Variants in GJA1 observed in about 807,000 individuals in gnomAD.
GJA1 encodes the protein gap junction alpha-1 protein.
A neutral mutation model predicts 31.0 loss-of-function variants in GJA1; 9 were observed. The observed-to-expected ratio is 0.29, with a 90% CI of 0.17 to 0.51. The LOEUF (loss-of-function observed/expected upper bound fraction) is 0.51. Ranked by LOEUF, GJA1 falls within the 20% of genes least tolerant of loss-of-function variation. GJA1 has a pLI of 0.98. For missense variants in GJA1, 278 were observed against 468.8 expected (o/e 0.59, Z 3.76); for synonymous variants, 186 against 180.1 (o/e 1.03, Z -0.26).
At position 121,447,651 on chromosome 6, in the gene GJA1, C is replaced by A; in HGVS notation, c.804C>A (p.Phe268Leu). 1 of 1,613,984 alleles carries A rather than the reference C, an allele frequency of 6.2e-7. No homozygotes were observed. Among genetic ancestry groups the A allele is most frequent in the East Asian group, 2.2e-5 (1 of 44,858 alleles). ...GTGGGTCTCAAAAATATGCTTATTTCAATGGCTGCTCCTCACCAACCGCTC... is the reference window on the plus strand; with the variant it reads ...GTGGGTCTCAAAAATATGCTTATTTAAATGGCTGCTCCTCACCAACCGCTC... ...KDCGSQKYAY[F>L]NGCSSPTAPL... Residue 268 changes from phenylalanine to leucine, a missense_variant, in exon 2 of 2, where the codon TTC becomes TTA. This residue lies in a region of GJA1 where 172 missense variants were observed against 190.9 expected (regional missense o/e 0.90). Transcript: ENST00000282561.
At position 121,448,051 on chromosome 6, in the gene GJA1, C is replaced by T; in HGVS notation, c.*55C>T. ...TCAATTGTGGAGAAGAAAAAAGGTGCTGTAGAAAGTGCACCAGGTGTTAAT... is the reference window on the plus strand; with the variant it reads ...TCAATTGTGGAGAAGAAAAAAGGTGTTGTAGAAAGTGCACCAGGTGTTAAT... On this transcript the variant is annotated 3_prime_UTR_variant, in exon 2 of 2. Coordinates refer to ENST00000282561, the MANE Select transcript of GJA1 (RefSeq NM_000165.5). 2 of 1,481,492 alleles carry T rather than the reference C, an allele frequency of 1.3e-6. No individual in the cohort carries two copies. Among genetic ancestry groups the T allele is most frequent in the South Asian group, 2.3e-5 (2 of 88,230 alleles). The allele number at this position is 1,481,492 out of a possible 1,614,324, so 91.8% of individuals were successfully genotyped here.
chr6:121,438,355 C>A (rs1003312750), intron 1 of GJA1, among the ~76,000 whole-genome samples: 2 of 152,170 alleles, frequency 1.3e-5, no homozygotes, highest in African/African-American at 4.8e-5. Flanking sequence ...ATGCTGTCAC[C>A]CTCCTTGGGA....
rs1773923356 is a variant in GJA1 at position 121,448,215 on chromosome 6, T to C, written c.*219T>C. The C allele has an allele frequency of 1.2e-5, 7 of 601,612 alleles. No individual in the cohort carries two copies. The Admixed American group carries it at 1.5e-4, about 13-fold the overall frequency. 37.3% of individuals were successfully genotyped at this position (601,612 alleles called of 1,614,324 possible). A position where few individuals can be genotyped will look rare whatever the true frequency, so the allele number is the denominator to read the frequency against. ...AGGGGATAAGAGAGGTGCATGTTGG[T>C]ATTTAAAGTAGTGGATTCAAAGAAC... On this transcript the variant is annotated 3_prime_UTR_variant, in exon 2 of 2. Transcript: ENST00000282561.
At position 121,447,838 on chromosome 6, in the gene GJA1, C is replaced by A. The variant is rs66916792; in HGVS notation, c.991C>A (p.His331Asn). ...GQAGSTISNS[H>N]AQPFDFPDDN... is the part of the protein sequence containing the mutation. ...GGCGGGAAGCACCATCTCTAACTCC[C>A]ATGCACAGCCTTTTGATTTCCCCGA... The change falls in exon 2 of 2, where the codon CAT becomes AAT. Residue 331 changes from histidine to asparagine, a missense_variant. By Grantham distance (68) the His-to-Asn change is moderately conservative. Transcript: ENST00000282561. 1 of 1,613,894 alleles carries A rather than the reference C, an allele frequency of 6.2e-7. No homozygotes were observed. Among genetic ancestry groups the A allele is most frequent in the Admixed American group, 1.7e-5 (1 of 59,988 alleles).
At chr6:121,443,047 C>T (rs927260455) in intron 1 of GJA1, among the ~76,000 whole-genome samples, 6 of 152,092 alleles carry the variant, frequency 3.9e-5, no homozygotes, top group African/African-American at 1.4e-4. Context: ...TACCTGTTTC[C>T]CCCTGGTGAA....
At position 121,447,999 on chromosome 6, in the gene GJA1, A is replaced by C. The variant is rs573095718; in HGVS notation, c.*3A>C. ...GGCCTGATGACCTGGAGATCTAGATACAGGCTTGAAAGCATCAAGATTCCA... is the reference window on the plus strand; with the variant it reads ...GGCCTGATGACCTGGAGATCTAGATCCAGGCTTGAAAGCATCAAGATTCCA... On this transcript the variant is annotated 3_prime_UTR_variant, in exon 2 of 2. Coordinates refer to ENST00000282561, the MANE Select transcript of GJA1 (RefSeq NM_000165.5). 1.9e-6 allele frequency: 3 copies of C among 1,594,874 alleles called. No homozygotes were observed. The highest frequency in any genetic ancestry group is 1.4e-5 in the African/African-American group (1 of 73,840).
At chr6:121,436,605 G>A (rs905862388) in intron 1 of GJA1, among the ~76,000 whole-genome samples, 6 of 152,282 alleles carry the variant, frequency 3.9e-5, no homozygotes, top group African/African-American at 1.4e-4. Context: ...AATGGGTGGT[G>A]GCTAGTTACA....
intron 1 of GJA1, among the ~76,000 whole-genome samples, chr6:121,444,688 C>CT (rs1773854989): frequency 6.6e-6 from 1 of 152,190 alleles, no homozygotes; most frequent in Non-Finnish European, 1.5e-5. Flanking sequence ...TCTAAGAAGC[C>CT]TAAATAATCC....
intron 1 of GJA1, among the ~76,000 whole-genome samples, chr6:121,439,012 C>T (rs916011612): frequency 6.6e-6 from 1 of 151,604 alleles, no homozygotes; most frequent in Non-Finnish European, 1.5e-5. Flanking sequence ...ATATGTTTAT[C>T]GTCAGCTGGG....
At chr6:121,438,762 T>TA (rs1773713025) in intron 1 of GJA1, among the ~76,000 whole-genome samples, 1 of 152,210 alleles carries the variant, frequency 6.6e-6, no homozygotes, top group South Asian at 2.1e-4. Context: ...ATTCAAGTTT[T>TA]AAAAAATCTC....
rs1434540017 is a variant in GJA1 at position 121,447,993 on chromosome 6, C to T, written c.1146C>T (p.Ile382=). Residue 382 remains isoleucine (I), a synonymous_variant, in exon 2 of 2, where the codon ATC becomes ATT. Coordinates refer to ENST00000282561, the MANE Select transcript of GJA1 (RefSeq NM_000165.5). The part of the protein sequence containing the change: ...SSRPRPDDLE[I] ...GACCTCGGCCTGATGACCTGGAGAT[C>T]TAGATACAGGCTTGAAAGCATCAAG... is the stretch of plus-strand genomic sequence containing the variant. 4 of 1,610,130 alleles carry T rather than the reference C, an allele frequency of 2.5e-6. No homozygotes were observed. In the Admixed American group the frequency reaches 6.9e-5, roughly 28 times the overall value.
intron 1 of GJA1, 50 bp from the exon 2 acceptor site, chr6:121,446,782 C>T: frequency 9.1e-7 from 1 of 1,102,268 alleles, no homozygotes; most frequent in Non-Finnish European, 1.4e-6. Flanking sequence ...AAATGTTAAA[C>T]TAGTAATTTG....
intron 1 of GJA1, among the ~76,000 whole-genome samples, chr6:121,436,137 T>TC (rs1773657593): frequency 9.0e-6 from 1 of 111,248 alleles, no homozygotes; most frequent in African/African-American, 4.1e-5. Flanking sequence ...TTTTATTTTG[T>TC]TTTTTTTTTG....
chr6:121,440,945 T>C (rs1028565093), intron 1 of GJA1, among the ~76,000 whole-genome samples: 2 of 144,010 alleles, frequency 1.4e-5, no homozygotes, highest in Non-Finnish European at 3.0e-5. Flanking sequence ...TGTTGTTGTT[T>C]GTCGTTTTTT....
rs72548749 is a variant in GJA1 at position 121,448,297 on chromosome 6, C to T, written c.*301C>T. ...TACATAGATAAGGGCTTTTTCTCCC[C>T]GCAAACACCCCTAAGAATGGTTCTG... On this transcript the variant is annotated 3_prime_UTR_variant, in exon 2 of 2. Transcript: ENST00000282561. 12 of 438,654 alleles carry T rather than the reference C, an allele frequency of 2.7e-5. No individual in the cohort carries two copies. Among genetic ancestry groups the T allele is most frequent in the East Asian group, 1.4e-4 (3 of 21,402 alleles). The allele number at this position is 438,654 out of a possible 1,614,324, so 27.2% of individuals were successfully genotyped here.
chr6:121,445,644 G>C (rs924210356), intron 1 of GJA1, among the ~76,000 whole-genome samples: 2 of 152,154 alleles, frequency 1.3e-5, no homozygotes, highest in Admixed American at 6.5e-5. Context: ...TTGTTTGTTT[G>C]TTTTTTAATA....
At chr6:121,439,261 C>A (rs1214953605) in intron 1 of GJA1, among the ~76,000 whole-genome samples, 1 of 151,974 alleles carries the variant, frequency 6.6e-6, no homozygotes, top group African/African-American at 2.4e-5. Flanking sequence ...GAGTAAGAAC[C>A]AAACTTTACT....
At chr6:121,441,795 A>G (rs1287172111) in intron 1 of GJA1, among the ~76,000 whole-genome samples, 1 of 152,128 alleles carries the variant, frequency 6.6e-6, no homozygotes, top group African/African-American at 2.4e-5. Context: ...AATGACATGA[A>G]ACCTAGCAAA....
rs141706253 is a variant in GJA1, at chr6:121,436,618, G to A, written c.-17+786G>A. ...TGAATGGGTGGTGGCTAGTTACAGA[G>A]CATTAGAGATCAGACGTTTAAAAAA... On this transcript the variant is annotated intron_variant, in intron 1 of 1. Coordinates refer to ENST00000282561, the MANE Select transcript of GJA1 (RefSeq NM_000165.5). Among the ~76,000 whole-genome samples the A allele has an allele frequency of 3.7e-4, 56 of 152,282 alleles. 1 individual carries two copies. Among genetic ancestry groups the A allele is most frequent in the African/African-American group, 1.3e-3 (52 of 41,548 alleles).
Sources: allele counts gnomAD v4.1 joint callset (sites outside exome capture counted in the v4.1 genomes callset), GRCh38; gene constraint gnomAD v4.1.1; regional missense constraint gnomAD v4.1.1; transcripts MANE v1.5; gene names NCBI Gene and HGNC (gene_info 2026-07-23, HGNC 2026-07-21).